The following RALGAPA2 variants were observed in gnomAD, a reference collection of about 807,000 sequenced individuals.
RALGAPA2 encodes the protein ral GTPase-activating protein subunit alpha-2.
Under a neutral mutation model 230.4 loss-of-function variants are expected in RALGAPA2, and 139 were observed. The observed-to-expected ratio is 0.60, with a 90% CI of 0.53 to 0.69. The LOEUF (loss-of-function observed/expected upper bound fraction) is 0.69. RALGAPA2 is among the 30% of genes least tolerant of loss of function. The pLI is 0.00. For missense variants in RALGAPA2, 2,163 were observed against 2,276.0 expected, an observed-to-expected ratio of 0.95 and a Z score of 1.01; for synonymous variants, 847 against 837.8, an observed-to-expected ratio of 1.01 and a Z score of -0.19.
chr20:20,626,559 G>A (rs1469490367), intron 10 of RALGAPA2, among the ~76,000 whole-genome samples: 1 of 152,146 alleles, frequency 6.6e-6, no homozygotes, highest in African/African-American at 2.4e-5. Flanking sequence ...CTATTGCCAG[G>A]GGTAGGATGC....
intron 14 of RALGAPA2, among the ~76,000 whole-genome samples, chr20:20,608,035 T>C (rs2065873417): frequency 6.6e-6 from 1 of 152,222 alleles, no homozygotes; most frequent in African/African-American, 2.4e-5. Context: ...TACCCTGGTT[T>C]GTGACCTAGG....
At chr20:20,477,425 A>G (rs1417236352) in intron 36 of RALGAPA2, among the ~76,000 whole-genome samples, 1 of 152,196 alleles carries the variant, frequency 6.6e-6, no homozygotes, top group Admixed American at 6.5e-5. Flanking sequence ...CCTAATTCCA[A>G]CCTGGCACCT....
chr20:20,573,074 C>G lies in RALGAPA2; in HGVS notation c.2708-6G>C. On this transcript the variant is annotated splice_region_variant and splice_polypyrimidine_tract_variant and intron_variant, in intron 20 of 39. Transcript: ENST00000202677. The stretch of plus-strand genomic sequence containing the variant: ...TGTGAGGCACTCGCTGCTATCTATG[C>G]AGAAAAACATGTCTGTTAACCCTGT... The G allele has an allele frequency of 6.3e-7, 1 of 1,594,224 alleles. No individual in the cohort carries two copies. Among genetic ancestry groups the G allele is most frequent in the Non-Finnish European group, 8.6e-7 (1 of 1,169,172 alleles).
At chr20:20,681,431 G>A (rs1422450590) in intron 1 of RALGAPA2, among the ~76,000 whole-genome samples, 1 of 152,148 alleles carries the variant, frequency 6.6e-6, no homozygotes, top group Non-Finnish European at 1.5e-5. Flanking sequence ...CTAAACCACA[G>A]ACTGCGGATA....
rs368799591 is a variant in RALGAPA2 at position 20,616,149 on chromosome 20, A to G, written c.1582T>C (p.Cys528Arg). 5 of 1,548,032 alleles carry G rather than the reference A, an allele frequency of 3.2e-6. No homozygotes were observed. The highest frequency in any genetic ancestry group is 2.4e-5 in the East Asian group (1 of 41,902). ...NSANIFLLEPCAEVPVLLKEQ... is the reference protein window; with the variant it reads ...NSANIFLLEPRAEVPVLLKEQ... ...TTCAAGAGCACAGGAACTTCAGCAC[A>G]TGGTTCCAACAAAAAGATGTTTGCA... The change falls in exon 13 of 40, where the codon TGT becomes CGT. Residue 528 changes from cysteine to arginine, a missense_variant. Coordinates refer to ENST00000202677, the MANE Select transcript of RALGAPA2 (RefSeq NM_020343.4).
chr20:20,398,672 G>T lies in RALGAPA2; in HGVS notation c.5618-1938C>A, dbSNP rs1395880075. On this transcript the variant is annotated intron_variant, in intron 38 of 39. Transcript: ENST00000202677. The surrounding 1 kb of genome is among the most constrained non-coding windows in gnomAD (Gnocchi z 4.5). ...CCTGGAGGGCAATGTGCTCGGAGAT[G>T]GGGGGTGGGAAGAGGCCAGGAGGGA... Among the ~76,000 whole-genome samples, 1 of 152,126 alleles carries T rather than the reference G, an allele frequency of 6.6e-6. No homozygotes were observed. Among genetic ancestry groups the T allele is most frequent in the African/African-American group, 2.4e-5 (1 of 41,426 alleles).
Position 20,583,183 on chromosome 20 carries a change from C to G in RALGAPA2, c.2574G>C (p.Glu858Asp). Residue 858 changes from glutamate to aspartate, a missense_variant, in exon 20 of 40, where the codon GAG becomes GAC. By Grantham distance (45) the Glu-to-Asp change is conservative (BLOSUM62 2). Coordinates refer to ENST00000202677, the MANE Select transcript of RALGAPA2 (RefSeq NM_020343.4). ...NSDTTLGCTN[E>D]AELSMGPWQT... is the part of the protein sequence containing the mutation. Reference sequence around the variant, plus strand: ...GCCATGGGCCCATGGACAGCTCTGCCTCATTGGTACAGCCCAGAGTTGTGT... The same window carrying G: ...GCCATGGGCCCATGGACAGCTCTGCGTCATTGGTACAGCCCAGAGTTGTGT... 6.2e-7 allele frequency: 1 copy of G among 1,613,658 alleles called. No homozygotes were observed. The highest frequency in any genetic ancestry group is 8.5e-7 in the Non-Finnish European group (1 of 1,179,690).
chr20:20,440,628 G>GGCA (rs2060717313), intron 37 of RALGAPA2, among the ~76,000 whole-genome samples: 1 of 152,190 alleles, frequency 6.6e-6, no homozygotes, highest in South Asian at 2.1e-4. Flanking sequence ...CGCTCTGGTT[G>GGCA]GCAGCAGTCT....
chr20:20,558,881 C>T (rs961976379), intron 23 of RALGAPA2, among the ~76,000 whole-genome samples: 4 of 151,090 alleles, frequency 2.6e-5, no homozygotes, highest in Non-Finnish European at 4.4e-5. Flanking sequence ...TTTAAACATG[C>T]TTCCTTCTCA....
chr20:20,613,152 C>T (rs2066024977), intron 13 of RALGAPA2, among the ~76,000 whole-genome samples: 1 of 152,238 alleles, frequency 6.6e-6, no homozygotes, highest in Non-Finnish European at 1.5e-5. Flanking sequence ...GAAAGATTCA[C>T]AACCTGCCAA....
At chr20:20,463,698 T>G (rs1388933223) in intron 37 of RALGAPA2, among the ~76,000 whole-genome samples, 1 of 152,196 alleles carries the variant, frequency 6.6e-6, no homozygotes, top group Non-Finnish European at 1.5e-5. Flanking sequence ...GAATAATGGC[T>G]CCCTTTGAAG....
intron 37 of RALGAPA2, among the ~76,000 whole-genome samples, chr20:20,462,565 T>C (rs2061327460): frequency 6.6e-6 from 1 of 152,118 alleles, no homozygotes; most frequent in Non-Finnish European, 1.5e-5. Context: ...AAGTACCCCT[T>C]TTAGAGTGTG....
chr20:20,618,568 A>G (rs1252050212), intron 12 of RALGAPA2, among the ~76,000 whole-genome samples: 1 of 152,158 alleles, frequency 6.6e-6, no homozygotes, highest in Non-Finnish European at 1.5e-5. Flanking sequence ...GATGTTCCCC[A>G]GACTCCACAC....
At chr20:20,399,958 T>C (rs2059797923) in intron 38 of RALGAPA2, among the ~76,000 whole-genome samples, 1 of 152,138 alleles carries the variant, frequency 6.6e-6, no homozygotes, top group Non-Finnish European at 1.5e-5. Context: ...TTCAAGATAA[T>C]TAGGAAAGAG....
At chr20:20,466,947 C>T (rs1254654913) in intron 37 of RALGAPA2, among the ~76,000 whole-genome samples, 1 of 152,186 alleles carries the variant, frequency 6.6e-6, no homozygotes, top group African/African-American at 2.4e-5. Flanking sequence ...GACTTTGCAT[C>T]GTGTCAAATT....
At chr20:20,706,807 T>C (rs2069626977) in intron 1 of RALGAPA2, among the ~76,000 whole-genome samples, 1 of 152,224 alleles carries the variant, frequency 6.6e-6, no homozygotes, top group African/African-American at 2.4e-5. Context: ...ATGGCCTTCA[T>C]AATCAGATAA....
At chr20:20,500,392 T>C (rs769996671) in intron 35 of RALGAPA2, among the ~76,000 whole-genome samples, 35 of 152,226 alleles carry the variant, frequency 2.3e-4, no homozygotes, top group Non-Finnish European at 3.8e-4. Context: ...AAATCTTTTG[T>C]TGTAATTTCA....
chr20:20,644,534 C>T (rs553517003), intron 4 of RALGAPA2, among the ~76,000 whole-genome samples: 4 of 152,240 alleles, frequency 2.6e-5, no homozygotes, highest in South Asian at 2.1e-4. Context: ...ACTGGCAATC[C>T]GAAGGAACCT....
intron 10 of RALGAPA2, among the ~76,000 whole-genome samples, chr20:20,625,494 T>C (rs997521311): frequency 6.6e-6 from 1 of 152,158 alleles, no homozygotes; most frequent in African/African-American, 2.4e-5. Context: ...TGAACAAACA[T>C]CCTTTAGAGC....
Sources: allele counts gnomAD v4.1 joint callset (sites outside exome capture counted in the v4.1 genomes callset), GRCh38; gene constraint gnomAD v4.1.1; non-coding constraint Gnocchi (gnomAD v3.1); transcripts MANE v1.5; gene names NCBI Gene and HGNC (gene_info 2026-07-23, HGNC 2026-07-21).